AGBL4: variants seen among roughly 807,000 people sequenced by gnomAD.
The protein encoded by AGBL4 is cytosolic carboxypeptidase 6.
In AGBL4, 58 loss-of-function variants were observed where a neutral mutation model predicts 66.4. The ratio of observed to expected loss-of-function variants is 0.87; its 90% CI spans 0.71 to 1.09. The LOEUF (loss-of-function observed/expected upper bound fraction) is 1.09. Among genes scored for constraint, AGBL4 ranks in the 50% least tolerant of loss-of-function variants. The pLI is 0.00. For synonymous variants in AGBL4, 234 were observed against 222.9 expected, an observed-to-expected ratio of 1.05 and a Z score of -0.44; for missense variants, 579 against 631.0, an observed-to-expected ratio of 0.92 and a Z score of 0.88.
chr1:50,012,951 A>T (rs547014709), intron 1 of AGBL4, among the ~76,000 whole-genome samples: 35 of 152,214 alleles, frequency 2.3e-4, no homozygotes, highest in Non-Finnish European at 2.6e-4. Flanking sequence ...ACCAAAAAGT[A>T]ATGTGACCCT....
intron 6 of AGBL4, among the ~76,000 whole-genome samples, chr1:48,816,789 A>T (rs531189210): frequency 5.9e-5 from 9 of 152,332 alleles, no homozygotes; most frequent in Middle Eastern, 3.4e-3. Context: ...CTGTCTGTAA[A>T]GCGTCCACAA....
At chr1:49,306,208 C>T (rs908464577) in intron 3 of AGBL4, among the ~76,000 whole-genome samples, 36 of 152,160 alleles carry the variant, frequency 2.4e-4, no homozygotes, top group Admixed American at 1.0e-3. Flanking sequence ...TAGGAAAACA[C>T]TTTTGCAATC....
chr1:48,695,042 G>A (rs549638617), intron 6 of AGBL4, among the ~76,000 whole-genome samples: 50 of 152,252 alleles, frequency 3.3e-4, no homozygotes, highest in African/African-American at 1.1e-3. Flanking sequence ...ATTACACTAT[G>A]GAAGATTCAA....
At chr1:48,729,047 T>G (rs1647669434) in intron 6 of AGBL4, among the ~76,000 whole-genome samples, 1 of 152,174 alleles carries the variant, frequency 6.6e-6, no homozygotes, top group Non-Finnish European at 1.5e-5. Context: ...CCTGGGGACC[T>G]GGTGCAACTC....
At chr1:49,540,588 A>C (rs1183824554) in intron 3 of AGBL4, among the ~76,000 whole-genome samples, 1 of 152,178 alleles carries the variant, frequency 6.6e-6, no homozygotes, top group African/African-American at 2.4e-5. Context: ...GCATAACCAA[A>C]AGTTAGCAAA....
chr1:49,842,105 G>A (rs1034671415), intron 2 of AGBL4: 41 of 347,810 alleles, frequency 1.2e-4, no homozygotes, highest in East Asian at 9.8e-4. Context: ...CCTGAAGTCC[G>A]CGCCAAGCTC....
intron 3 of AGBL4, among the ~76,000 whole-genome samples, chr1:49,501,953 C>A (rs1293491864): frequency 3.3e-5 from 5 of 152,100 alleles, no homozygotes; most frequent in African/African-American, 1.2e-4. Context: ...CAGTTTCATA[C>A]CATTGTGGTC....
At chr1:48,840,187 C>A (rs1646766619) in intron 6 of AGBL4, among the ~76,000 whole-genome samples, 1 of 152,088 alleles carries the variant, frequency 6.6e-6, no homozygotes, top group African/African-American at 2.4e-5. Context: ...GGAACCATGG[C>A]CAATTAAAGC....
intron 2 of AGBL4, among the ~76,000 whole-genome samples, chr1:49,847,693 G>T (rs1459659635): frequency 6.6e-6 from 1 of 151,372 alleles, no homozygotes; most frequent in Non-Finnish European, 1.5e-5. Context: ...ATTACAAATG[G>T]CAAATAAACT....
intron 9 of AGBL4, among the ~76,000 whole-genome samples, chr1:48,600,970 A>G (rs1353960044): frequency 2.0e-5 from 3 of 151,974 alleles, no homozygotes; most frequent in Non-Finnish European, 1.5e-5. Context: ...CCCTTTCTCC[A>G]CGTCTATGCC....
intron 3 of AGBL4, among the ~76,000 whole-genome samples, chr1:49,678,617 C>A (rs1267099600): frequency 6.6e-5 from 10 of 152,092 alleles, no homozygotes; most frequent in Non-Finnish European, 1.5e-5. Flanking sequence ...CCTCTCAGTA[C>A]TGGTTTAGCT....
intron 4 of AGBL4, among the ~76,000 whole-genome samples, chr1:49,179,852 C>G (rs968779805): frequency 1.3e-5 from 2 of 152,140 alleles, no homozygotes; most frequent in African/African-American, 4.8e-5. Context: ...CTGCCTCCTC[C>G]TGCTGTATGA....
intron 6 of AGBL4, among the ~76,000 whole-genome samples, chr1:48,667,207 T>C (rs1489050678): frequency 6.6e-6 from 1 of 152,230 alleles, no homozygotes; most frequent in Non-Finnish European, 1.5e-5. Context: ...GACTTCCTTC[T>C]AACAAATGAA....
intron 3 of AGBL4, among the ~76,000 whole-genome samples, chr1:49,629,873 T>C (rs1481718819): frequency 6.6e-6 from 1 of 152,136 alleles, no homozygotes; most frequent in African/African-American, 2.4e-5. Context: ...TGAGAAAAGA[T>C]AGTGACTTTT....
chr1:49,675,489 C>A (rs1646561315), intron 3 of AGBL4, among the ~76,000 whole-genome samples: 2 of 151,876 alleles, frequency 1.3e-5, no homozygotes, highest in African/African-American at 2.4e-5. Context: ...ATTTGGGTAA[C>A]CCAAACCCCA....
chr1:48,989,352 T>C (rs1660428972), intron 5 of AGBL4, among the ~76,000 whole-genome samples: 1 of 152,164 alleles, frequency 6.6e-6, no homozygotes, highest in South Asian at 2.1e-4. Flanking sequence ...ACCTTAAGCA[T>C]TTATCTTTTG....
intron 3 of AGBL4, among the ~76,000 whole-genome samples, chr1:49,554,312 A>G (rs1653222150): frequency 1.3e-5 from 2 of 152,246 alleles, no homozygotes; most frequent in Non-Finnish European, 2.9e-5. Flanking sequence ...TTATCTCTCC[A>G]GGACAAGCAA....
chr1:49,648,556 T>A (rs79172111), intron 3 of AGBL4, among the ~76,000 whole-genome samples: 13,308 of 151,822 alleles, frequency 0.088, 856 homozygotes, highest in East Asian at 0.3. Context: ...AAATTAAACA[T>A]AAGCTTATCA....
At chr1:49,598,438 G>A (rs1644890784) in intron 3 of AGBL4, among the ~76,000 whole-genome samples, 1 of 152,216 alleles carries the variant, frequency 6.6e-6, no homozygotes, top group Non-Finnish European at 1.5e-5. Flanking sequence ...CTAACAGACA[G>A]GACCTTCAGC....
Sources: gnomAD v4.1 joint callset for allele counts (sites outside exome capture counted in the v4.1 genomes callset) on GRCh38, gnomAD v4.1.1 for gene constraint, MANE v1.5 for transcripts, NCBI Gene and HGNC (gene_info 2026-07-23, HGNC 2026-07-21) for gene names.